ELP2: variants seen among roughly 807,000 people sequenced by gnomAD.
ELP2 encodes the protein elongator complex protein 2.
In ELP2, 90 loss-of-function variants were observed where a neutral mutation model predicts 119.2. That is an observed-to-expected ratio of 0.75 (90% CI 0.64 to 0.90). The LOEUF (loss-of-function observed/expected upper bound fraction) is 0.90. ELP2 is among the 40% of genes least tolerant of loss of function. The pLI, the probability that ELP2 is intolerant of heterozygous loss-of-function variation, is 0.00. For missense variants in ELP2, 921 were observed against 967.8 expected, an observed-to-expected ratio of 0.95 and a Z score of 0.64; for synonymous variants, 339 against 331.0, an observed-to-expected ratio of 1.02 and a Z score of -0.26.
chr18:36,143,434 T>C (rs1163961744), intron 8 of ELP2, among the ~76,000 whole-genome samples: 1 of 149,998 alleles, frequency 6.7e-6, no homozygotes, highest in Non-Finnish European at 1.5e-5. Context: ...TTTTTTTTTT[T>C]TTTTTTTGAG....
chr18:36,156,348 A>T, intron 12 of ELP2, 118 bp from the exon 13 acceptor site: 1 of 990,062 alleles, frequency 1.0e-6, no homozygotes, highest in South Asian at 1.4e-5. Flanking sequence ...TTATTCATGG[A>T]TGAATATTTG....
At chr18:36,157,615 C>T (rs894357969) in intron 13 of ELP2, among the ~76,000 whole-genome samples, 4 of 152,106 alleles carry the variant, frequency 2.6e-5, no homozygotes, top group African/African-American at 9.7e-5. Flanking sequence ...CCAAGAGACT[C>T]TGAAAGCAGT....
intron 11 of ELP2, among the ~76,000 whole-genome samples, chr18:36,147,830 ATTG>A (rs2090259745): frequency 6.6e-6 from 1 of 150,998 alleles, no homozygotes; most frequent in Non-Finnish European, 1.5e-5. Context: ...TTTTATTATT[ATTG>A]TTGTGTTTTT....
At chr18:36,154,728 T>C in intron 11 of ELP2, 122 bp from the exon 12 acceptor site, 1 of 1,023,432 alleles carries the variant, frequency 9.8e-7, no homozygotes, top group Admixed American at 1.7e-5. Flanking sequence ...GATCCGATCT[T>C]GTATACTTAG....
chr18:36,152,548 C>A (rs1000974552), intron 11 of ELP2, among the ~76,000 whole-genome samples: 8 of 152,198 alleles, frequency 5.3e-5, no homozygotes, highest in Non-Finnish European at 8.8e-5. Flanking sequence ...TCTCACAAGG[C>A]TTGCATACAA....
chr18:36,167,189 C>A lies in ELP2; in HGVS notation c.2043C>A (p.Ser681Arg). ...GGTCTTGTGATTGGAGTCCTGACAGCAAGTATTTCTTCACTGGGAGTCGAG... is the reference window on the plus strand; with the variant it reads ...GGTCTTGTGATTGGAGTCCTGACAGAAAGTATTTCTTCACTGGGAGTCGAG... ...IIWSCDWSPD[S>R]KYFFTGSRDK... Residue 681 changes from serine to arginine, a missense_variant, in exon 19 of 22, where the codon AGC (serine) becomes AGA (arginine). Transcript: ENST00000358232. 1 of 1,595,204 alleles carries A rather than the reference C, an allele frequency of 6.3e-7. No individual in the cohort carries two copies. Among genetic ancestry groups the A allele is most frequent in the South Asian group, 1.2e-5 (1 of 86,132 alleles).
At position 36,171,030 on chromosome 18, in the gene ELP2, C is replaced by A. The variant is rs199505819; in HGVS notation, c.2211-17C>A. On this transcript the variant is annotated splice_polypyrimidine_tract_variant and intron_variant, in intron 20 of 21. Coordinates refer to ENST00000358232, the MANE Select transcript of ELP2 (RefSeq NM_018255.4). ...CATGCTAAGTTAATCACTGTTGTCC[C>A]CCTCCCTTAAAAACAGATACGTGGT... The A allele has an allele frequency of 2.6e-6, 4 of 1,532,280 alleles. No homozygotes were observed. The highest frequency in any genetic ancestry group is 3.6e-6 in the Non-Finnish European group (4 of 1,105,662). The allele number at this position is 1,532,280 out of a possible 1,614,324, so 94.9% of individuals were successfully genotyped here. A position where few individuals can be genotyped will look rare whatever the true frequency, so the allele number is the denominator to read the frequency against.
Position 36,153,778 on chromosome 18 carries a change from CT to C in ELP2, c.1126-1060del, listed in dbSNP as rs562758857. 1.4e-3 allele frequency among the ~76,000 whole-genome samples: 202 copies of C among 145,140 alleles called. 1 individual carries two copies. The highest frequency in any genetic ancestry group is 3.6e-3 in the Middle Eastern group (1 of 280). ...GAAAGTGACTTGTTTTTTATATAGACTTTTTTTTTTTTATAGAGCAGTTTTA... is the reference window on the plus strand; with the variant it reads ...GAAAGTGACTTGTTTTTTATATAGACTTTTTTTTTTTATAGAGCAGTTTTA... On this transcript the variant is annotated intron_variant, in intron 11 of 21. Transcript: ENST00000358232.
intron 1 of ELP2, 91 bp from the exon 2 acceptor site, chr18:36,133,147 G>A: frequency 1.2e-6 from 1 of 856,040 alleles, no homozygotes; most frequent in South Asian, 1.4e-5. Flanking sequence ...CTTTTTACTA[G>A]CATCGAAAAC....
chr18:36,164,635 G>A lies in ELP2; in HGVS notation c.1922G>A (p.Trp641Ter). 1 of 1,614,002 alleles carries A rather than the reference G, an allele frequency of 6.2e-7. No homozygotes were observed. The highest frequency in any genetic ancestry group is 8.5e-7 in the Non-Finnish European group (1 of 1,179,974). ...TCCAGAGATCGAACCTGGTCATTGT[G>A]GAAAAAGCAGGATACAATCTCACCT... ...AVSRDRTWSLWKKQDTISPEF... is the reference protein window; with the variant it reads ...AVSRDRTWSL The change falls in exon 18 of 22, where the codon TGG becomes TAG. Residue 641 changes from tryptophan (W) to a stop codon, truncating the protein, a stop_gained. Transcript: ENST00000358232. LOFTEE classifies it high-confidence loss of function.
chr18:36,154,796 T>C, intron 11 of ELP2, 54 bp from the exon 12 acceptor site: 1 of 1,608,560 alleles, frequency 6.2e-7, no homozygotes, highest in Non-Finnish European at 8.5e-7. Flanking sequence ...AGTGCTTTAC[T>C]TTGGTGGTAG....
At chr18:36,132,817 CTT>C (rs61181594) in intron 1 of ELP2, among the ~76,000 whole-genome samples, 7 of 145,840 alleles carry the variant, frequency 4.8e-5, no homozygotes, top group African/African-American at 1.5e-4. Context: ...TATTGGAGGG[CTT>C]TTTTTTTTTT....
At chr18:36,163,415 G>T (rs200534822) in intron 17 of ELP2, among the ~76,000 whole-genome samples, 2 of 151,754 alleles carry the variant, frequency 1.3e-5, no homozygotes, top group African/African-American at 4.8e-5. Flanking sequence ...TCAGTGGCTT[G>T]TCATTCTCCT....
chr18:36,133,978 C>T (rs764713350), intron 2 of ELP2, among the ~76,000 whole-genome samples: 6 of 129,112 alleles, frequency 4.6e-5, no homozygotes, highest in Admixed American at 1.9e-4. Context: ...GGCAAGATCT[C>T]GGCTCACTGC....
In ELP2 at chr18:36,159,828, C is replaced by T. The variant is rs1239935261; in HGVS notation, c.1628C>T (p.Thr543Ile). Reference protein sequence around the residue: ...QQVAFQPSILTEPPTEDHLLQ... With the variant: ...QQVAFQPSILIEPPTEDHLLQ... The stretch of plus-strand genomic sequence containing the variant: ...GTGGCCTTTCAGCCCTCCATACTTA[C>T]TGGTAAGATGTGACAAAGACAATTT... The change falls in exon 15 of 22, where the codon ACT becomes ATT. Residue 543 changes from threonine (T) to isoleucine (I), a missense_variant and splice_region_variant. Physicochemically the swap from Thr to Ile is moderately conservative, Grantham distance 89. Coordinates refer to ENST00000358232, the MANE Select transcript of ELP2 (RefSeq NM_018255.4). The T allele has an allele frequency of 1.2e-6, 2 of 1,613,308 alleles. No individual in the cohort carries two copies. Among genetic ancestry groups the T allele is most frequent in the South Asian group, 1.1e-5 (1 of 91,072 alleles).
At chr18:36,135,787 A>G (rs1417346972) in intron 2 of ELP2, among the ~76,000 whole-genome samples, 1 of 152,182 alleles carries the variant, frequency 6.6e-6, no homozygotes, top group Non-Finnish European at 1.5e-5. Context: ...ATTCTGCAGA[A>G]CAAGTGCTGG....
chr18:36,133,896 G>GTTTTT (rs1567972210), intron 2 of ELP2, among the ~76,000 whole-genome samples: 1 of 114,754 alleles, frequency 8.7e-6, no homozygotes, highest in Admixed American at 9.8e-5. Context: ...GTTTTTTAGG[G>GTTTTT]GTTTTTTTTT....
Position 36,156,660 on chromosome 18 carries a change from T to A in ELP2, c.1464+6T>A. ...TGAATCATGTGCTCTGTAATGTGAG[T>A]ATTTCTCTAAATATTTTACCTAAAT... is the stretch of plus-strand genomic sequence containing the variant. On this transcript the variant is annotated splice_donor_region_variant and intron_variant, in intron 13 of 21. Transcript: ENST00000358232. 6.2e-7 allele frequency: 1 copy of A among 1,612,826 alleles called. No homozygotes were observed.
intron 3 of ELP2, 126 bp downstream of exon 3, chr18:36,136,503 A>G: frequency 7.7e-6 from 6 of 784,166 alleles, no homozygotes; most frequent in South Asian, 7.0e-5. Flanking sequence ...TCAGCCTCCT[A>G]AGTAGCTGGG....
Sources: allele counts gnomAD v4.1 joint callset (sites outside exome capture counted in the v4.1 genomes callset), GRCh38; gene constraint gnomAD v4.1.1; transcripts MANE v1.5; gene names NCBI Gene and HGNC (gene_info 2026-07-23, HGNC 2026-07-21).